The following ATP5F1C variants were observed in gnomAD, a reference collection of about 807,000 sequenced individuals.
ATP5F1C encodes the protein ATP synthase F(1) complex subunit gamma, mitochondrial.
ATP5F1C carries 22 observed loss-of-function variants against 37.4 expected under a neutral mutation model. The observed-to-expected ratio is 0.59, with a 90% CI of 0.42 to 0.84. ATP5F1C has a LOEUF of 0.84. Among genes scored for constraint, ATP5F1C ranks in the 40% least tolerant of loss-of-function variants. The pLI is 0.00. For missense variants in ATP5F1C, 286 were observed against 362.4 expected (o/e 0.79, Z 1.71); for synonymous variants, 121 against 128.0 (o/e 0.95, Z 0.37).
chr10:7,794,499 T>G (rs1836207425), intron 1 of ATP5F1C, among the ~76,000 whole-genome samples: 1 of 37,922 alleles, frequency 2.6e-5, no homozygotes, highest in African/African-American at 5.3e-5. Flanking sequence ...TTTTGTGTGT[T>G]GTTTTTTTTT....
At chr10:7,802,687 C>A in intron 7 of ATP5F1C, 71 bp from the exon 8 acceptor site, 1 of 1,479,044 alleles carries the variant, frequency 6.8e-7, no homozygotes, top group Non-Finnish European at 9.2e-7. Context: ...AATTAAGCAA[C>A]AGAAGTTAGT....
At chr10:7,793,931 G>A (rs975985647) in intron 1 of ATP5F1C, among the ~76,000 whole-genome samples, 5 of 152,136 alleles carry the variant, frequency 3.3e-5, no homozygotes, top group Non-Finnish European at 5.9e-5. Context: ...TAACTTTAGA[G>A]GAGGTCTTAA....
Position 7,807,641 on chromosome 10 carries a change from C to A in ATP5F1C, c.*31-18C>A, listed in dbSNP as rs1236585348. On this transcript the variant is annotated intron_variant, in intron 9 of 9. Transcript: ENST00000356708. ...AATGCTGTTTGATTTCTTACTTGTT[C>A]TGTACTTTGTTTTTCAGGTAAAGAA... The A allele has an allele frequency of 6.2e-7, 1 of 1,605,096 alleles. No homozygotes were observed.
chr10:7,799,747 A>C, intron 4 of ATP5F1C, 25 bp from the exon 5 acceptor site: 1 of 1,609,436 alleles, frequency 6.2e-7, no homozygotes, highest in Non-Finnish European at 8.5e-7. Flanking sequence ...TAAACTAGCT[A>C]TGTGAGCTCT....
chr10:7,799,590 G>A, intron 4 of ATP5F1C, 182 bp from the exon 5 acceptor site: 1 of 648,062 alleles, frequency 1.5e-6, no homozygotes, highest in East Asian at 2.7e-5. Context: ...TTAGTTCTTA[G>A]TTCTTTGCAG....
chr10:7,796,263 A>C, intron 2 of ATP5F1C, 108 bp downstream of exon 2: 1 of 964,286 alleles, frequency 1.0e-6, no homozygotes, highest in Non-Finnish European at 1.5e-6. Flanking sequence ...TTTGATCAAA[A>C]CTGACCAAAT....
Position 7,800,499 on chromosome 10 carries a change from A to AT in ATP5F1C, c.637+414dup, listed in dbSNP as rs1286462376. On this transcript the variant is annotated intron_variant, in intron 6 of 9. Coordinates refer to ENST00000356708, the MANE Select transcript of ATP5F1C (RefSeq NM_001001973.3). Reference sequence around the variant, plus strand: ...CATGAGCCCAGCCTTTTATTTTTTTATTTTTTATTTTTTGAGACGGAGTCT... The same window carrying AT: ...CATGAGCCCAGCCTTTTATTTTTTTATTTTTTTATTTTTTGAGACGGAGTCT... Among the ~76,000 whole-genome samples, 1,026 of 110,516 alleles carry AT rather than the reference A, an allele frequency of 9.3e-3. 17 individuals are homozygous for AT. Among genetic ancestry groups the AT allele is most frequent in the Middle Eastern group, 0.042 (7 of 168 alleles). 72.5% of individuals were successfully genotyped at this position (110,516 alleles called of 152,430 possible).
chr10:7,789,179 G>A (rs532989207), intron 1 of ATP5F1C, among the ~76,000 whole-genome samples: 1 of 152,220 alleles, frequency 6.6e-6, no homozygotes, highest in African/African-American at 2.4e-5. Flanking sequence ...GAATCTGGAA[G>A]AATTCCAGAC....
chr10:7,793,459 AT>A (rs923083576), intron 1 of ATP5F1C, among the ~76,000 whole-genome samples: 3 of 151,772 alleles, frequency 2.0e-5, no homozygotes, highest in Non-Finnish European at 2.9e-5. Flanking sequence ...TCTTTTGCCC[AT>A]TTTTTTTATT....
chr10:7,805,947 C>T (rs1395325349), intron 8 of ATP5F1C, among the ~76,000 whole-genome samples: 1 of 151,822 alleles, frequency 6.6e-6, no homozygotes, highest in African/African-American at 2.4e-5. Context: ...TTAGCCAGGC[C>T]TGGTGGCATG....
At position 7,796,112 on chromosome 10, in the gene ATP5F1C, T is replaced by C; in HGVS notation, c.57-9T>C. 1.3e-6 allele frequency: 2 copies of C among 1,589,298 alleles called. No individual in the cohort carries two copies. The highest frequency in any genetic ancestry group is 1.7e-6 in the Non-Finnish European group (2 of 1,171,578). On this transcript the variant is annotated splice_polypyrimidine_tract_variant and intron_variant, in intron 1 of 9. Coordinates refer to ENST00000356708, the MANE Select transcript of ATP5F1C (RefSeq NM_001001973.3). ...AAAACTGAAACATTTTTAAAACTTT[T>C]ATCCTCAGGATTCAAGTTCGAAATA... is the stretch of plus-strand genomic sequence containing the variant.
chr10:7,806,870 C>CAA (rs1252541706), intron 8 of ATP5F1C, 104 bp from the exon 9 acceptor site: 1 of 952,694 alleles, frequency 1.0e-6, no homozygotes, highest in East Asian at 2.4e-5. Context: ...TCAAGTTTAA[C>CAA]AATTGACTTT....
intron 1 of ATP5F1C, among the ~76,000 whole-genome samples, chr10:7,789,231 T>C (rs1836114173): frequency 6.6e-6 from 1 of 152,172 alleles, no homozygotes; most frequent in Non-Finnish European, 1.5e-5. Context: ...AGCAATTCCC[T>C]GCTCTTAACA....
rs182026467 is a variant in ATP5F1C at position 7,806,426 on chromosome 10, G to A, written c.891-548G>A. 5.3e-4 allele frequency among the ~76,000 whole-genome samples: 80 copies of A among 152,210 alleles called. No individual in the cohort carries two copies. In the Middle Eastern group the frequency reaches 0.02, roughly 39 times the overall value. On this transcript the variant is annotated intron_variant, in intron 8 of 9. Transcript: ENST00000356708. ...TCCCAGCACTTTGGGAGGCCGAGGC[G>A]GGTGGATCACCTGAGGTCAGGAGTT...
chr10:7,799,940 C>G (rs1271372686), intron 5 of ATP5F1C, 25 bp downstream of exon 5: 3 of 1,605,788 alleles, frequency 1.9e-6, no homozygotes, highest in African/African-American at 2.7e-5. Context: ...GAAATCAAAG[C>G]TTTTTTATGT....
chr10:7,796,325 A>G, intron 2 of ATP5F1C, 170 bp downstream of exon 2: 1 of 524,692 alleles, frequency 1.9e-6, no homozygotes, highest in Non-Finnish European at 3.4e-6. Flanking sequence ...AAGACCAGTA[A>G]GAAAGGACAC....
At chr10:7,802,240 T>G in intron 6 of ATP5F1C, 30 bp from the exon 7 acceptor site, 1 of 1,576,802 alleles carries the variant, frequency 6.3e-7, no homozygotes, top group Non-Finnish European at 8.6e-7. Context: ...TCCATATAAC[T>G]TGAAAGAAAC....
At chr10:7,800,290 G>A (rs1294353809) in intron 6 of ATP5F1C, among the ~76,000 whole-genome samples, 199 bp downstream of exon 6, 1 of 152,046 alleles carries the variant, frequency 6.6e-6, no homozygotes, top group African/African-American at 2.4e-5. Context: ...CCGCCTCCTG[G>A]GTTCACACCA....
chr10:7,802,886 A>T, intron 8 of ATP5F1C, 32 bp downstream of exon 8: 1 of 1,588,282 alleles, frequency 6.3e-7, no homozygotes, highest in Non-Finnish European at 8.6e-7. Flanking sequence ...CCTTCAGAGA[A>T]TTTTTTTTCC....
Sources: gnomAD v4.1 joint callset for allele counts (sites outside exome capture counted in the v4.1 genomes callset) on GRCh38, gnomAD v4.1.1 for gene constraint, MANE v1.5 for transcripts, NCBI Gene and HGNC (gene_info 2026-07-23, HGNC 2026-07-21) for gene names.